The following AFF2 variants were observed in gnomAD, a reference collection of about 807,000 sequenced individuals.
AFF2 encodes AF4/FMR2 family member 2.
In AFF2, 14 loss-of-function variants were observed where a neutral mutation model predicts 76.9. That is an observed-to-expected ratio of 0.18 (90% confidence interval 0.12 to 0.28). The LOEUF is 0.28. Ranked by LOEUF, AFF2 falls within the 10% of genes least tolerant of loss-of-function variation. The pLI, the probability that AFF2 is intolerant of heterozygous loss-of-function variation, is 1.00. For synonymous variants in AFF2, 398 were observed against 366.7 expected (o/e 1.09, Z -0.98); for missense variants, 868 against 1,001.1 (o/e 0.87, Z 1.79).
At chrX:148,525,985 C>T (rs1399049555) in intron 1 of AFF2, among the ~76,000 whole-genome samples, 1 of 111,108 alleles carries the variant, frequency 9.0e-6, no homozygotes, top group Non-Finnish European at 1.9e-5. Flanking sequence ...AGTCACAGCT[C>T]AGAGAGACAC....
At chrX:148,846,088 T>C (rs1297500634) in intron 7 of AFF2, among the ~76,000 whole-genome samples, 1 of 112,174 alleles carries the variant, frequency 8.9e-6, no homozygotes, top group Non-Finnish European at 1.9e-5. Context: ...CTCTTTCTTT[T>C]TGACAATTAC....
chrX:148,929,495 T>C (rs1218137985), intron 9 of AFF2, among the ~76,000 whole-genome samples: 1 of 112,454 alleles, frequency 8.9e-6, no homozygotes, highest in African/African-American at 3.2e-5. Context: ...AGTCCTAGTA[T>C]TTTTGTGCCA....
intron 3 of AFF2, among the ~76,000 whole-genome samples, chrX:148,700,419 AGTGTGTGTGT>A (rs368077947): frequency 9.7e-5 from 8 of 82,493 alleles, no homozygotes; most frequent in East Asian, 8.6e-4. Context: ...GTACTGTTGA[AGTGTGTGTGT>A]GTGTGTGTGT....
chrX:148,538,797 C>T (rs1319466761), intron 1 of AFF2, among the ~76,000 whole-genome samples: 1 of 111,928 alleles, frequency 8.9e-6, no homozygotes, highest in Admixed American at 9.5e-5. Flanking sequence ...AGAGAGATTA[C>T]TCAAGTCAGA....
chrX:148,914,460 G>A (rs781973897), intron 9 of AFF2, among the ~76,000 whole-genome samples: 1 of 112,191 alleles, frequency 8.9e-6, no homozygotes, highest in Admixed American at 9.4e-5. Flanking sequence ...TAGTGTGGGT[G>A]AAACTAACAA....
chrX:148,635,326 C>T (rs782291906), intron 1 of AFF2, among the ~76,000 whole-genome samples: 13 of 110,717 alleles, frequency 1.2e-4, no homozygotes, highest in Admixed American at 4.8e-4. Flanking sequence ...GAGGAACGGT[C>T]GCCAGCCAGG....
chrX:148,642,576 G>C (rs1173717504), intron 1 of AFF2, among the ~76,000 whole-genome samples: 6 of 111,990 alleles, frequency 5.4e-5, no homozygotes, highest in African/African-American at 2.0e-4. Context: ...AGACAGAGCT[G>C]ATCTGTGTAA....
chrX:148,792,805 A>G (rs1357108929), intron 3 of AFF2, among the ~76,000 whole-genome samples: 1 of 111,370 alleles, frequency 9.0e-6, no homozygotes, highest in Admixed American at 9.5e-5. Context: ...TTTCCATTTA[A>G]AGGTTGAATA....
intron 3 of AFF2, among the ~76,000 whole-genome samples, chrX:148,711,400 C>G (rs978751061): frequency 1.8e-5 from 2 of 111,689 alleles, no homozygotes; most frequent in Non-Finnish European, 3.8e-5. Context: ...TGGGACTAGT[C>G]TAGGTTAAGG....
rs1198708145 is a variant in AFF2, at chrX:148,661,916, A to C, written c.189A>C (p.Lys63Asn). Residue 63 changes from lysine to asparagine, a missense_variant, in exon 3 of 21, where the codon AAA becomes AAC. By Grantham distance (94) the Lys-to-Asn change is moderately conservative. Coordinates refer to ENST00000370460, the MANE Select transcript of AFF2 (RefSeq NM_002025.4). ...TCTTTTTGTTATTTTAGACAAACAA[A>C]GGTGATGCACTTGCCAACCGAGTCC... is the stretch of plus-strand genomic sequence containing the variant. ...EPYKVAEYTN[K>N]GDALANRVQN... is the part of the protein sequence containing the mutation. 2.5e-6 allele frequency: 3 copies of C among 1,194,125 alleles called. No homozygotes were observed. Among genetic ancestry groups the C allele is most frequent in the Non-Finnish European group, 3.4e-6 (3 of 886,689 alleles).
At chrX:148,765,193 G>A (rs1269524769) in intron 3 of AFF2, among the ~76,000 whole-genome samples, 1 of 111,462 alleles carries the variant, frequency 9.0e-6, no homozygotes, top group African/African-American at 3.3e-5. Context: ...GCCAATCTTA[G>A]CTTTTCTTTA....
chrX:148,527,721 CA>C lies in AFF2; in HGVS notation c.47+26584del, dbSNP rs782221642. Among the ~76,000 whole-genome samples, 8 of 111,172 alleles carry C rather than the reference CA, an allele frequency of 7.2e-5. No homozygotes were observed. The South Asian group carries it at 2.7e-3, about 37-fold the overall frequency. On this transcript the variant is annotated intron_variant, in intron 1 of 20. Transcript: ENST00000370460. ...ATTTTTTTTCAAAATAAAAATGTTT[CA>C]AAAAAACAAATGAGAAATGTTCCCC...
intron 3 of AFF2, among the ~76,000 whole-genome samples, chrX:148,795,345 T>C (rs1411517501): frequency 9.0e-6 from 1 of 110,807 alleles, no homozygotes; most frequent in Non-Finnish European, 1.9e-5. Context: ...GAACTGAAAC[T>C]GAGGATCTGG....
chrX:148,871,539 G>C (rs2070975992), intron 7 of AFF2, among the ~76,000 whole-genome samples: 1 of 111,784 alleles, frequency 8.9e-6, no homozygotes, highest in South Asian at 3.8e-4. Context: ...ACTAAAATGT[G>C]AGCCTCCTTC....
In AFF2 at chrX:148,906,768, G is replaced by A. The variant is rs782815327; in HGVS notation, c.1397+2510G>A. ...TCCGGCTCAAGCTGAGCTTTTGCTC[G>A]CCGTCCACCACTGCTGAATGCCGCC... On this transcript the variant is annotated intron_variant, in intron 9 of 20. Transcript: ENST00000370460. 5.2e-3 allele frequency among the ~76,000 whole-genome samples: 574 copies of A among 111,443 alleles called. 3 individuals are homozygous for A. The highest frequency in any genetic ancestry group is 8.7e-3 in the Non-Finnish European group (463 of 53,082).
At chrX:148,691,091 T>C (rs1172471998) in intron 3 of AFF2, among the ~76,000 whole-genome samples, 1 of 111,967 alleles carries the variant, frequency 8.9e-6, no homozygotes, top group Non-Finnish European at 1.9e-5. Context: ...AGGACATTCA[T>C]ATATGAATTG....
chrX:148,869,346 T>G (rs1421773322), intron 7 of AFF2, among the ~76,000 whole-genome samples: 1 of 111,827 alleles, frequency 8.9e-6, no homozygotes, highest in Non-Finnish European at 1.9e-5. Context: ...AAGCACAGAA[T>G]AGTCCATTTT....
chrX:148,673,751 G>T (rs1289426427), intron 3 of AFF2, among the ~76,000 whole-genome samples: 2 of 111,715 alleles, frequency 1.8e-5, no homozygotes, highest in Non-Finnish European at 3.8e-5. Context: ...GTCTTTTGGA[G>T]GGAGGTGGGC....
At chrX:148,830,349 G>A (rs1415575467) in intron 4 of AFF2, among the ~76,000 whole-genome samples, 1 of 112,333 alleles carries the variant, frequency 8.9e-6, no homozygotes, top group Admixed American at 9.4e-5. Flanking sequence ...ACACCACACT[G>A]GGAGCAGCAG....
Sources: gnomAD v4.1 joint callset for allele counts (sites outside exome capture counted in the v4.1 genomes callset) on GRCh38, gnomAD v4.1.1 for gene constraint, MANE v1.5 for transcripts, NCBI Gene and HGNC (gene_info 2026-07-23, HGNC 2026-07-21) for gene names.